AMPD2: variants seen among roughly 807,000 people sequenced by gnomAD.
AMPD2 encodes AMP deaminase 2.
In AMPD2, 52 loss-of-function variants were observed where a neutral mutation model predicts 91.3. That is an observed-to-expected ratio of 0.57 (90% CI 0.46 to 0.72). The LOEUF (loss-of-function observed/expected upper bound fraction) is 0.72. Among genes scored for constraint, AMPD2 ranks in the 30% least tolerant of loss-of-function variants. AMPD2 has a pLI of 0.00. For synonymous variants in AMPD2, 455 were observed against 456.4 expected (o/e 1.00, Z 0.04); for missense variants, 822 against 1,122.3 (o/e 0.73, Z 3.82).
intron 17 of AMPD2, 106 bp downstream of exon 17, chr1:109,630,512 C>T: frequency 7.5e-7 from 1 of 1,338,630 alleles, no homozygotes; most frequent in Non-Finnish European, 1.0e-6. Context: ...TTGGTGCTGC[C>T]CCCTGCTGGT....
rs749118608 is a variant in AMPD2 at position 109,628,399 on chromosome 1, T to C, written c.1311T>C (p.Asn437=). 6.2e-7 allele frequency: 1 copy of C among 1,614,036 alleles called. No individual in the cohort carries two copies. Among genetic ancestry groups the C allele is most frequent in the Non-Finnish European group, 8.5e-7 (1 of 1,180,038 alleles). ...RNTFHRFDKF[N]AKYNPIGESV... is the part of the protein sequence containing the mutation. ...CTTTCCATCGCTTTGACAAGTTTAATGCCAAATACAACCCTATTGGGGAGT... is the reference window on the plus strand; with the variant it reads ...CTTTCCATCGCTTTGACAAGTTTAACGCCAAATACAACCCTATTGGGGAGT... Residue 437 remains asparagine (N), a synonymous_variant, in exon 12 of 19, where the codon AAT becomes AAC. Transcript: ENST00000528667. This position sits in a 1 kb window ranked among gnomAD's most constrained non-coding sequence, Gnocchi z 7.1.
At chr1:109,621,385 C>G (rs773363234) in intron 2 of AMPD2, 119 bp downstream of exon 2, 2 of 1,170,170 alleles carry the variant, frequency 1.7e-6, no homozygotes, top group Non-Finnish European at 1.2e-6. Context: ...TGTGGTGGTG[C>G]CCCTCAACCT....
In AMPD2 at chr1:109,629,882, C is replaced by T. The variant is rs1261828269; in HGVS notation, c.1949C>T (p.Ala650Val). Residue 650 changes from alanine (A) to valine (V), a missense_variant, in exon 16 of 19, where the codon GCT (alanine) becomes GTT (valine). Physicochemically the swap from Ala to Val is moderately conservative, Grantham distance 64. This residue lies in a region of AMPD2 where 430 missense variants were observed against 606.0 expected (regional missense o/e 0.71). Coordinates refer to ENST00000528667, the MANE Select transcript of AMPD2 (RefSeq NM_001368809.2). ...IHHLVSAFML[A>V]ENISHGLLLR... Reference sequence around the variant, plus strand: ...CACCTGGTGTCAGCCTTCATGCTGGCTGAGAACATTTCCCACGGGCTCCTT... The same window carrying T: ...CACCTGGTGTCAGCCTTCATGCTGGTTGAGAACATTTCCCACGGGCTCCTT... 2 of 1,612,348 alleles carry T rather than the reference C, an allele frequency of 1.2e-6. No individual in the cohort carries two copies. The highest frequency in any genetic ancestry group is 4.5e-5 in the East Asian group (2 of 44,858).
chr1:109,624,906 AC>A lies in AMPD2; in HGVS notation c.92-395del, dbSNP rs1294416078. 1.3e-5 allele frequency among the ~76,000 whole-genome samples: 2 copies of A among 152,018 alleles called. No homozygotes were observed. Among genetic ancestry groups the A allele is most frequent in the Non-Finnish European group, 2.9e-5 (2 of 67,972 alleles). The stretch of plus-strand genomic sequence containing the variant: ...TGTGGCCGCCTGGTCCTTACCAAGC[AC>A]CTGGTGTGTGTCTCTGAGGGTGTCT... On this transcript the variant is annotated intron_variant, in intron 2 of 18. Coordinates refer to ENST00000528667, the MANE Select transcript of AMPD2 (RefSeq NM_001368809.2). The surrounding 1 kb of genome is among the most constrained non-coding windows in gnomAD (Gnocchi z 5.2).
Position 109,628,434 on chromosome 1 carries a change from G to A in AMPD2, c.1346G>A (p.Arg449Gln). 1 of 1,613,666 alleles carries A rather than the reference G, an allele frequency of 6.2e-7. No individual in the cohort carries two copies. The highest frequency in any genetic ancestry group is 8.5e-7 in the Non-Finnish European group (1 of 1,180,008). Residue 449 changes from arginine to glutamine, a missense_variant, in exon 12 of 19, where the codon CGA becomes CAA. Arg to Gln is a conservative substitution (Grantham distance 43, BLOSUM62 1). Coordinates refer to ENST00000528667, the MANE Select transcript of AMPD2 (RefSeq NM_001368809.2). This position sits in a 1 kb window ranked among gnomAD's most constrained non-coding sequence, Gnocchi z 7.1. ...KYNPIGESVL[R>Q]EIFIKTDNRV... ...AACCCTATTGGGGAGTCCGTCCTCC[G>A]AGAGATCTTCATCAAGACGGACAAC...
intron 13 of AMPD2, 22 bp from the exon 14 acceptor site, chr1:109,629,087 C>G (rs1443699292): frequency 1.2e-6 from 2 of 1,612,202 alleles, no homozygotes; most frequent in Admixed American, 1.7e-5. Context: ...TTGCACATAC[C>G]TGCATGTTGT....
rs918373390 is a variant in AMPD2 at position 109,623,934 on chromosome 1, C to G, written c.92-1369C>G. The G allele has an allele frequency of 8.6e-6, 8 of 935,504 alleles. No individual in the cohort carries two copies. In the South Asian group the frequency reaches 3.9e-4, roughly 46 times the overall value. 58.0% of individuals were successfully genotyped at this position (935,504 alleles called of 1,614,324 possible). Reference sequence around the variant, plus strand: ...GGTTTCTGGGCTCCCTTGAACTCCCCTAGCTCCGTGCTCACGGCCATCTCA... The same window carrying G: ...GGTTTCTGGGCTCCCTTGAACTCCCGTAGCTCCGTGCTCACGGCCATCTCA... On this transcript the variant is annotated intron_variant, in intron 2 of 18. Transcript: ENST00000528667.
In AMPD2 at chr1:109,625,800, C is replaced by T. The variant is rs376994583; in HGVS notation, c.353+8C>T. 71 of 1,613,746 alleles carry T rather than the reference C, an allele frequency of 4.4e-5. No homozygotes were observed. The highest frequency in any genetic ancestry group is 1.6e-4 in the Middle Eastern group (1 of 6,082). Reference sequence around the variant, plus strand: ...GATCAGCCAGGATGTCAAGTGAGCCCGGCAGGCAGCTGCTTAGTCTCCCTC... The same window carrying T: ...GATCAGCCAGGATGTCAAGTGAGCCTGGCAGGCAGCTGCTTAGTCTCCCTC... On this transcript the variant is annotated splice_region_variant and intron_variant, in intron 4 of 18. Coordinates refer to ENST00000528667, the MANE Select transcript of AMPD2 (RefSeq NM_001368809.2). This position sits in a 1 kb window ranked among gnomAD's most constrained non-coding sequence, Gnocchi z 4.0.
chr1:109,621,145 C>T lies in AMPD2; in HGVS notation c.-31C>T, dbSNP rs1173817251. 1.3e-6 allele frequency: 2 copies of T among 1,597,548 alleles called. No homozygotes were observed. The highest frequency in any genetic ancestry group is 1.7e-5 in the Admixed American group (1 of 58,572). ...CAGGCCCCAGCCGGTGCCGCTCAGACTCCCCCGCTGTCGCCGCCGTGGTCC... is the reference window on the plus strand; with the variant it reads ...CAGGCCCCAGCCGGTGCCGCTCAGATTCCCCCGCTGTCGCCGCCGTGGTCC... On this transcript the variant is annotated 5_prime_UTR_variant, in exon 2 of 19. Transcript: ENST00000528667.
At position 109,629,360 on chromosome 1, in the gene AMPD2, A is replaced by G. The variant is rs771448310; in HGVS notation, c.1732A>G (p.Lys578Glu). 6.2e-7 allele frequency: 1 copy of G among 1,614,142 alleles called. No individual in the cohort carries two copies. Among genetic ancestry groups the G allele is most frequent in the South Asian group, 1.1e-5 (1 of 91,086 alleles). The change falls in exon 15 of 19, where the codon AAG becomes GAG. Residue 578 changes from lysine to glutamate, a missense_variant. Physicochemically the swap from Lys to Glu is moderately conservative, Grantham distance 56. This residue lies in a region of AMPD2 where 430 missense variants were observed against 606.0 expected (regional missense o/e 0.71). Coordinates refer to ENST00000528667, the MANE Select transcript of AMPD2 (RefSeq NM_001368809.2). ...DGFDSVDDES[K>E]PENHVFNLES... ...TTTTGACAGCGTGGATGATGAGTCC[A>G]AGCCTGAAAACCATGTCTTCAACCT...
chr1:109,627,828 T>C lies in AMPD2; in HGVS notation c.1005T>C (p.His335=), dbSNP rs372653890. ...LQYLSSKFQM[H]VLLNEMKELA... The stretch of plus-strand genomic sequence containing the variant: ...ACCTGAGCTCCAAGTTCCAGATGCA[T>C]GTGCTACTCAATGAGATGAAGGAGC... The change falls in exon 10 of 19, where the codon CAT becomes CAC. Residue 335 remains histidine, a synonymous_variant. Coordinates refer to ENST00000528667, the MANE Select transcript of AMPD2 (RefSeq NM_001368809.2). 5.2e-5 allele frequency: 84 copies of C among 1,613,940 alleles called. No individual in the cohort carries two copies. The highest frequency in any genetic ancestry group is 1.1e-5 in the Non-Finnish European group (13 of 1,179,996).
intron 16 of AMPD2, 111 bp downstream of exon 16, chr1:109,630,027 G>A (rs894946843): frequency 4.7e-6 from 7 of 1,497,918 alleles, no homozygotes; most frequent in Middle Eastern, 1.8e-4. Flanking sequence ...ATTGGATTCT[G>A]CCTTCCCAAT....
chr1:109,621,324 G>A (rs746526895), intron 2 of AMPD2, 58 bp downstream of exon 2: 2 of 1,544,638 alleles, frequency 1.3e-6, no homozygotes, highest in South Asian at 2.3e-5. Context: ...GCCACCTCTC[G>A]CCCAAGGTGC....
At chr1:109,627,551 C>A (rs369710007) in intron 9 of AMPD2, 33 bp downstream of exon 9, 1 of 1,610,004 alleles carries the variant, frequency 6.2e-7, no homozygotes, top group Non-Finnish European at 8.5e-7. Context: ...CACTTAGCTC[C>A]CCTCCCAGCC....
chr1:109,620,466 G>T, intron 1 of AMPD2, 188 bp downstream of exon 1: 5 of 1,204,094 alleles, frequency 4.2e-6, no homozygotes, highest in Non-Finnish European at 5.6e-6. Context: ...AGAGGCTAGG[G>T]TCTCTGTCCC....
Position 109,630,363 on chromosome 1 carries a change from T to G in AMPD2, c.2114T>G (p.Val705Gly). 4 of 1,613,400 alleles carry G rather than the reference T, an allele frequency of 2.5e-6. No homozygotes were observed. The highest frequency in any genetic ancestry group is 3.4e-6 in the Non-Finnish European group (4 of 1,179,910). The part of the protein sequence containing the change: ...LPEYLSRGLM[V>G]SLSTDDPLQF... ...GAGTACCTGTCCCGCGGCCTCATGG[T>G]CTCCCTGTCCACTGATGATCCCTTG... The change falls in exon 17 of 19, where the codon GTC becomes GGC. Residue 705 changes from valine (V) to glycine (G), a missense_variant. Physicochemically the swap from Val to Gly is moderately radical, Grantham distance 109. Coordinates refer to ENST00000528667, the MANE Select transcript of AMPD2 (RefSeq NM_001368809.2).
chr1:109,622,942 A>T (rs929304605), intron 2 of AMPD2, among the ~76,000 whole-genome samples: 1 of 152,106 alleles, frequency 6.6e-6, no homozygotes, highest in African/African-American at 2.4e-5. Flanking sequence ...TGGGGGTGAG[A>T]CAGCTTCCCC....
At position 109,627,301 on chromosome 1, in the gene AMPD2, G is replaced by A; in HGVS notation, c.845G>A (p.Arg282Lys). ...VRGVVHVYTR[R>K]EPDEHCSEVE... ...GGTGTGGTGCACGTCTACACCCGCA[G>A]GGAACCCGACGAGCAGTAAGAGGGG... The change falls in exon 8 of 19, where the codon AGG (arginine) becomes AAG (lysine). Residue 282 changes from arginine (R) to lysine (K), a missense_variant. Coordinates refer to ENST00000528667, the MANE Select transcript of AMPD2 (RefSeq NM_001368809.2). The A allele has an allele frequency of 6.2e-7, 1 of 1,604,504 alleles. No individual in the cohort carries two copies. The highest frequency in any genetic ancestry group is 8.5e-7 in the Non-Finnish European group (1 of 1,173,534).
At position 109,631,191 on chromosome 1, in the gene AMPD2, T is replaced by C. The variant is rs1193563485; in HGVS notation, c.*39T>C. On this transcript the variant is annotated 3_prime_UTR_variant, in exon 19 of 19. Coordinates refer to ENST00000528667, the MANE Select transcript of AMPD2 (RefSeq NM_001368809.2). ...AGTGCCCACCACATCGCAGCACTTT[T>C]ACCACGTTTTGTCCTCAGACCCCGC... 1.3e-6 allele frequency: 2 copies of C among 1,541,576 alleles called. No individual in the cohort carries two copies. Among genetic ancestry groups the C allele is most frequent in the Non-Finnish European group, 1.8e-6 (2 of 1,137,324 alleles).
Sources: gnomAD v4.1 joint callset for allele counts (sites outside exome capture counted in the v4.1 genomes callset) on GRCh38, gnomAD v4.1.1 for gene constraint, gnomAD v4.1.1 regional missense constraint, Gnocchi (gnomAD v3.1) non-coding constraint, MANE v1.5 for transcripts, NCBI Gene and HGNC (gene_info 2026-07-23, HGNC 2026-07-21) for gene names.